Variants in LY96 observed in about 807,000 individuals in gnomAD.
The protein encoded by LY96 is myeloid differentiation protein-2.
A neutral mutation model predicts 18.9 loss-of-function variants in LY96; 18 were observed. The observed-to-expected ratio is 0.95, with a 90% CI of 0.66 to 1.41. LY96 has a LOEUF of 1.41. LY96 is among the 40% of genes most tolerant of loss of function. The pLI, the probability that LY96 is intolerant of heterozygous loss-of-function variation, is 0.00. For missense variants in LY96, 175 were observed against 182.4 expected (o/e 0.96, Z 0.23); for synonymous variants, 66 against 62.6 (o/e 1.06, Z -0.26).
the LY96 span, among the ~76,000 whole-genome samples, chr8:74,081,736 C>A: frequency 2.6e-5 from 4 of 152,092 alleles, no homozygotes; most frequent in Non-Finnish European, 5.9e-5. Flanking sequence ...TCACTACAAC[C>A]TCTGCCTCCT....
chr8:74,056,305 G>A, the LY96 span: 60 of 299,770 alleles, frequency 2.0e-4, 1 homozygote, highest in South Asian at 7.7e-4. Context: ...CCAGCAATCG[G>A]TTTGCATTTT....
At chr8:74,099,785 C>G in the LY96 span, 1 of 152,198 alleles carries the variant, frequency 6.6e-6, no homozygotes, top group South Asian at 2.1e-4. Flanking sequence ...GACTACACTT[C>G]CCAGCCTCTG....
chr8:74,054,676 T>TTTCTTTCTTTC, the LY96 span, among the ~76,000 whole-genome samples: 34 of 65,346 alleles, frequency 5.2e-4, no homozygotes, highest in East Asian at 0.011. Flanking sequence ...TTCTTTCTTT[T>TTTCTTTCTTTC]TATTTGAGAT....
chr8:74,003,410 T>G (rs1440717456), intron 1 of LY96, among the ~76,000 whole-genome samples: 1 of 152,220 alleles, frequency 6.6e-6, no homozygotes, highest in Non-Finnish European at 1.5e-5. Flanking sequence ...AATCCAATTG[T>G]GACAGGTTCA....
At chr8:74,054,358 T>C in the LY96 span, among the ~76,000 whole-genome samples, 3 of 152,064 alleles carry the variant, frequency 2.0e-5, no homozygotes, top group East Asian at 5.8e-4. Context: ...ACCCAGTCAG[T>C]AGTGCTCAGT....
the LY96 span, among the ~76,000 whole-genome samples, chr8:74,077,478 G>A: frequency 6.6e-6 from 1 of 152,114 alleles, no homozygotes; most frequent in Admixed American, 6.6e-5. Flanking sequence ...TGAAGAATAT[G>A]GTGGTAGAAT....
chr8:74,072,244 T>A, the LY96 span, among the ~76,000 whole-genome samples: 2 of 152,214 alleles, frequency 1.3e-5, no homozygotes, highest in Non-Finnish European at 2.9e-5. Flanking sequence ...TGTGGCTAAA[T>A]GTCCACAAAT....
At chr8:74,008,215 G>T (rs556010888) in intron 2 of LY96, among the ~76,000 whole-genome samples, 169 of 152,354 alleles carry the variant, frequency 1.1e-3, no homozygotes, top group Non-Finnish European at 1.9e-3. Context: ...CTATTGAGTT[G>T]TCAAAGCAGG....
chr8:74,099,744 T>C, the LY96 span: 2 of 152,198 alleles, frequency 1.3e-5, no homozygotes, highest in South Asian at 2.1e-4. Context: ...TTCCCCTCCC[T>C]TGAAGTATCT....
Position 74,003,694 on chromosome 8 carries a change from G to C in LY96, c.113-1102G>C, listed in dbSNP as rs553785004. The stretch of plus-strand genomic sequence containing the variant: ...TTTCCTCTCCCTATGTTGAGGGAGT[G>C]CTGGAAGAGTCTCCAGAGCACATTT... On this transcript the variant is annotated intron_variant, in intron 1 of 4. Coordinates refer to ENST00000284818, the MANE Select transcript of LY96 (RefSeq NM_015364.5). Among the ~76,000 whole-genome samples, 33 of 152,278 alleles carry C rather than the reference G, an allele frequency of 2.2e-4. No homozygotes were observed. The South Asian group carries it at 6.6e-3, about 31-fold the overall frequency.
chr8:74,090,460 T>C, the LY96 span, among the ~76,000 whole-genome samples: 1 of 152,184 alleles, frequency 6.6e-6, no homozygotes, highest in African/African-American at 2.4e-5. Flanking sequence ...GAAATAACAT[T>C]AAAAGAATGG....
the LY96 span, among the ~76,000 whole-genome samples, chr8:74,062,603 C>A: frequency 2.6e-5 from 4 of 152,120 alleles, no homozygotes; most frequent in African/African-American, 9.7e-5. Context: ...GCATAGTATT[C>A]CATGGTGTAT....
At chr8:74,081,230 C>G in the LY96 span, among the ~76,000 whole-genome samples, 1 of 139,020 alleles carries the variant, frequency 7.2e-6, no homozygotes, top group Non-Finnish European at 1.5e-5. Context: ...CTCTCTTTCT[C>G]TCTTTCTTTC....
At chr8:74,029,850 G>A (rs1162967377), downstream of LY96, among the ~76,000 whole-genome samples, 1 of 152,088 alleles carries the variant, frequency 6.6e-6, no homozygotes, top group African/African-American at 2.4e-5. Flanking sequence ...AGTGGAGATG[G>A]GGTTTCACCA....
At chr8:73,996,871 A>T (rs1816159085) in intron 1 of LY96, among the ~76,000 whole-genome samples, 1 of 150,520 alleles carries the variant, frequency 6.6e-6, no homozygotes, top group Non-Finnish European at 1.5e-5. Flanking sequence ...CAGCCTTCTG[A>T]GTAGCAGGGA....
intron 3 of LY96, among the ~76,000 whole-genome samples, chr8:74,013,221 G>A (rs1816566438): frequency 6.6e-6 from 1 of 152,022 alleles, no homozygotes; most frequent in Non-Finnish European, 1.5e-5. Flanking sequence ...CACTTCCCGG[G>A]TTCAAGTGAT....
chr8:74,058,509 T>A, the LY96 span, among the ~76,000 whole-genome samples: 1 of 150,504 alleles, frequency 6.6e-6, no homozygotes, highest in Admixed American at 6.7e-5. Context: ...TATCTATCTA[T>A]CTAGAAAGTT....
At chr8:74,094,124 C>A in the LY96 span, among the ~76,000 whole-genome samples, 1 of 151,820 alleles carries the variant, frequency 6.6e-6, no homozygotes, top group African/African-American at 2.4e-5. Context: ...AAAGAAAGGA[C>A]CAGCAATTTA....
the LY96 span, among the ~76,000 whole-genome samples, chr8:74,034,570 G>C: frequency 6.6e-6 from 1 of 152,018 alleles, no homozygotes; most frequent in Admixed American, 6.6e-5. Flanking sequence ...AATGGAATAG[G>C]TTCCTTTTTC....
Sources: gnomAD v4.1 joint callset for allele counts (sites outside exome capture counted in the v4.1 genomes callset) on GRCh38, gnomAD v4.1.1 for gene constraint, MANE v1.5 for transcripts, NCBI Gene and HGNC (gene_info 2026-07-23, HGNC 2026-07-21) for gene names.